Variants in ACOXL observed in about 807,000 individuals in gnomAD.
The protein encoded by ACOXL is acyl-CoA oxidase like.
ACOXL carries 70 observed loss-of-function variants against 71.9 expected under a neutral mutation model. The ratio of observed to expected loss-of-function variants is 0.97; its 90% CI spans 0.80 to 1.19. ACOXL has a LOEUF of 1.19. Ranked by LOEUF, ACOXL falls within the 50% of genes most tolerant of loss-of-function variation. The probability of loss-of-function intolerance (pLI) is 0.00; values close to 1 mark genes in which losing one functional copy is unlikely to be tolerated. For missense variants in ACOXL, 703 were observed against 736.3 expected (o/e 0.95, Z 0.52); for synonymous variants, 253 against 281.6 (o/e 0.90, Z 1.02).
intron 16 of ACOXL, among the ~76,000 whole-genome samples, chr2:111,065,956 A>G (rs899106671): frequency 3.3e-5 from 5 of 152,234 alleles, no homozygotes; most frequent in Non-Finnish European, 7.3e-5. Flanking sequence ...CCACTCTGAA[A>G]AAGAGTGTAG....
At chr2:110,787,155 A>G (rs2105196048) in intron 3 of ACOXL, among the ~76,000 whole-genome samples, 1 of 152,104 alleles carries the variant, frequency 6.6e-6, no homozygotes, top group East Asian at 1.9e-4. Flanking sequence ...ATTTCATTGA[A>G]TTTTTCCATA....
intron 9 of ACOXL, among the ~76,000 whole-genome samples, chr2:110,815,095 G>A (rs945606892): frequency 1.3e-5 from 2 of 152,162 alleles, no homozygotes; most frequent in Non-Finnish European, 2.9e-5. Context: ...GTGGAAGGGC[G>A]AGCAAATATG....
chr2:110,808,605 C>T (rs1005208140), intron 9 of ACOXL, among the ~76,000 whole-genome samples: 9 of 152,318 alleles, frequency 5.9e-5, no homozygotes, highest in South Asian at 2.1e-4. Context: ...CCTCTGGCCT[C>T]ATTTCTGTCT....
intron 10 of ACOXL, chr2:110,886,836 CCTCT>C: frequency 6.4e-7 from 1 of 1,551,010 alleles, no homozygotes; most frequent in East Asian, 2.4e-5. Context: ...TTATTGAGCC[CCTCT>C]TGTGGACCAG....
intron 10 of ACOXL, among the ~76,000 whole-genome samples, chr2:110,851,420 G>A (rs1426541541): frequency 4.6e-5 from 7 of 152,108 alleles, no homozygotes; most frequent in Admixed American, 2.0e-4. Flanking sequence ...CTTGTTTTAC[G>A]TGCCCAGGGT....
chr2:110,786,609 A>G (rs1215138471), intron 3 of ACOXL, among the ~76,000 whole-genome samples: 1 of 152,188 alleles, frequency 6.6e-6, no homozygotes, highest in African/African-American at 2.4e-5. Context: ...CTCTTCAGCA[A>G]GCCTCCGTGG....
chr2:110,968,067 A>C, intron 12 of ACOXL: 1 of 1,180,352 alleles, frequency 8.5e-7, no homozygotes, highest in South Asian at 1.2e-5. Context: ...TCTGCGCAGC[A>C]TACGCACACG....
At chr2:110,841,864 CATGATTT>C (rs950087197) in intron 10 of ACOXL, among the ~76,000 whole-genome samples, 1 of 152,202 alleles carries the variant, frequency 6.6e-6, no homozygotes, top group Non-Finnish European at 1.5e-5. Flanking sequence ...TGTCTTGCTT[CATGATTT>C]CTGTCTTGGT....
At chr2:111,037,438 G>A (rs993578560) in intron 15 of ACOXL, among the ~76,000 whole-genome samples, 3 of 152,094 alleles carry the variant, frequency 2.0e-5, no homozygotes, top group Non-Finnish European at 4.4e-5. Context: ...TCTGACACCC[G>A]AATGATGTGT....
At chr2:110,904,075 G>A (rs2059348984) in intron 10 of ACOXL, among the ~76,000 whole-genome samples, 2 of 152,236 alleles carry the variant, frequency 1.3e-5, no homozygotes, top group Non-Finnish European at 2.9e-5. Context: ...CACATCTGAT[G>A]GGTGGTGAGA....
At chr2:111,002,692 T>G (rs2063690897) in intron 14 of ACOXL, among the ~76,000 whole-genome samples, 1 of 152,226 alleles carries the variant, frequency 6.6e-6, no homozygotes, top group Admixed American at 6.5e-5. Context: ...CCGTTAGGGT[T>G]TAGGAGTCTA....
chr2:110,801,535 C>T (rs1265733451), intron 7 of ACOXL, 117 bp from the exon 8 acceptor site: 4 of 871,466 alleles, frequency 4.6e-6, no homozygotes, highest in African/African-American at 3.4e-5. Flanking sequence ...AAGGAAAAAG[C>T]ACCAACAATT....
chr2:111,076,403 A>G (rs1389858532), intron 16 of ACOXL, among the ~76,000 whole-genome samples: 2 of 152,214 alleles, frequency 1.3e-5, no homozygotes, highest in East Asian at 3.8e-4. Flanking sequence ...TGATATTAAT[A>G]TAAATACTGC....
chr2:111,063,074 A>G (rs982403474), intron 16 of ACOXL, among the ~76,000 whole-genome samples: 1 of 152,166 alleles, frequency 6.6e-6, no homozygotes, highest in African/African-American at 2.4e-5. Context: ...AAAACACACA[A>G]TACCACAGCT....
chr2:110,821,271 TTCTC>T (rs956960465), intron 9 of ACOXL, among the ~76,000 whole-genome samples: 1 of 151,808 alleles, frequency 6.6e-6, no homozygotes, highest in African/African-American at 2.4e-5. Context: ...TCAAAATACT[TTCTC>T]TCTCTCTCTC....
chr2:111,107,818 G>A (rs1337334268), intron 17 of ACOXL, among the ~76,000 whole-genome samples: 1 of 152,222 alleles, frequency 6.6e-6, no homozygotes, highest in Non-Finnish European at 1.5e-5. Flanking sequence ...AGAGAAAATG[G>A]TATCTGAAAG....
chr2:110,889,898 C>A (rs1408116756), intron 10 of ACOXL, among the ~76,000 whole-genome samples: 2 of 152,076 alleles, frequency 1.3e-5, no homozygotes, highest in Non-Finnish European at 2.9e-5. Flanking sequence ...AATATTTTTT[C>A]AGTGTAGCTG....
intron 16 of ACOXL, among the ~76,000 whole-genome samples, chr2:111,092,478 GA>G (rs2068579550): frequency 6.6e-6 from 1 of 152,162 alleles, no homozygotes; most frequent in Non-Finnish European, 1.5e-5. Context: ...TATTATTCAG[GA>G]TGTACCTTTA....
intron 9 of ACOXL, among the ~76,000 whole-genome samples, chr2:110,838,460 AGAT>A (rs1367924228): frequency 6.6e-6 from 1 of 152,180 alleles, no homozygotes; most frequent in African/African-American, 2.4e-5. Context: ...AGGCCTGACT[AGAT>A]GATGGAGGTT....
Sources: gnomAD v4.1 joint callset for allele counts (sites outside exome capture counted in the v4.1 genomes callset) on GRCh38, gnomAD v4.1.1 for gene constraint, MANE v1.5 for transcripts, NCBI Gene and HGNC (gene_info 2026-07-23, HGNC 2026-07-21) for gene names.